NFASC: variants seen among roughly 807,000 people sequenced by gnomAD.
The protein encoded by NFASC is neurofascin.
In NFASC, 43 loss-of-function variants were observed where a neutral mutation model predicts 147.5. The observed-to-expected ratio is 0.29, with a 90% CI of 0.23 to 0.38. The LOEUF (loss-of-function observed/expected upper bound fraction) is 0.38, where lower values mean the gene tolerates loss of function less well. Ranked by LOEUF, NFASC falls within the 10% of genes least tolerant of loss-of-function variation. The pLI is 1.00. For synonymous variants in NFASC, 622 were observed against 665.5 expected, an observed-to-expected ratio of 0.93 and a Z score of 1.01; for missense variants, 1,320 against 1,689.0, an observed-to-expected ratio of 0.78 and a Z score of 3.83.
rs1010266180 is a variant in NFASC at position 205,016,993 on chromosome 1, G to T, written c.*454G>T. The T allele has an allele frequency of 3.5e-6, 1 of 289,736 alleles. No individual in the cohort carries two copies. 17.9% of individuals were successfully genotyped at this position (289,736 alleles called of 1,614,324 possible). On this transcript the variant is annotated 3_prime_UTR_variant, in exon 30 of 30. Transcript: ENST00000339876. This position sits in a 1 kb window ranked among gnomAD's most constrained non-coding sequence, Gnocchi z 5.1. ...GTCCCTGGAAAAGAAAGAATAAGTG[G>T]ATTCTCCCCCAGGAGAATCCTTTTT...
chr1:204,979,573 G>A lies in NFASC; in HGVS notation c.2176+14G>A, dbSNP rs967527657. The A allele has an allele frequency of 1.4e-5, 22 of 1,612,592 alleles. No homozygotes were observed. Among genetic ancestry groups the A allele is most frequent in the African/African-American group, 2.7e-5 (2 of 74,876 alleles). On this transcript the variant is annotated intron_variant, in intron 19 of 29. Transcript: ENST00000339876. The surrounding 1 kb of genome is among the most constrained non-coding windows in gnomAD (Gnocchi z 6.0). ...CCAGTGGAGCACGTGAGTACCCGAG[G>A]GCTGCCAGAGAAGGCTCCGGAACCC...
chr1:204,948,548 C>G (rs762249588), intron 3 of NFASC: 8 of 516,988 alleles, frequency 1.5e-5, no homozygotes, highest in Non-Finnish European at 2.7e-5. Context: ...CCAGCTGGCT[C>G]GCTCACCTCT....
At chr1:204,943,925 A>G (rs2093541556) in intron 2 of NFASC, among the ~76,000 whole-genome samples, 1 of 152,194 alleles carries the variant, frequency 6.6e-6, no homozygotes, top group South Asian at 2.1e-4. Flanking sequence ...CCTCCAGGGA[A>G]CAATTGCCAA....
At chr1:204,950,143 C>T in intron 3 of NFASC, among the ~76,000 whole-genome samples, 1 of 152,258 alleles carries the variant, frequency 6.6e-6, no homozygotes, top group East Asian at 1.9e-4. Flanking sequence ...CTGTCTTGCC[C>T]TCAGCCTCTC....
chr1:205,019,045 A>C lies in NFASC; in HGVS notation c.*2506A>C, dbSNP rs2096382530. ...CTGTGGGTGCTGAGAGCTGCCCCCC[A>C]TCACCACGCCATCACACCCCTCTGA... On this transcript the variant is annotated 3_prime_UTR_variant, in exon 30 of 30. Coordinates refer to ENST00000339876, the MANE Select transcript of NFASC (RefSeq NM_001005388.3). The C allele has an allele frequency of 6.6e-6, 1 of 152,292 alleles. No individual in the cohort carries two copies. The highest frequency in any genetic ancestry group is 2.1e-4 in the South Asian group (1 of 4,830). The allele number at this position is 152,292 out of a possible 1,614,324, so 9.4% of individuals were successfully genotyped here. A position where few individuals can be genotyped will look rare whatever the true frequency, so the allele number is the denominator to read the frequency against.
rs139099286 is a variant in NFASC at position 205,009,649 on chromosome 1, G to A, written c.3382G>A (p.Val1128Ile). 4.1e-4 allele frequency: 659 copies of A among 1,613,930 alleles called. No individual in the cohort carries two copies. Among genetic ancestry groups the A allele is most frequent in the Non-Finnish European group, 5.4e-4 (634 of 1,180,024 alleles). Residue 1128 changes from valine to isoleucine, a missense_variant, in exon 28 of 30, where the codon GTC becomes ATC. Around this residue, in one of 3 missense-constraint regions of NFASC, gnomAD observed 167 missense variants for 233.8 expected, o/e 0.71. Transcript: ENST00000339876. Reference protein sequence around the residue: ...IALLVLILLIVCFIKRSRGGK... With the variant: ...IALLVLILLIICFIKRSRGGK... ...CCTCCTGGTGCTGATCCTGCTCATC[G>A]TCTGTTTCATCAAGAGGAGTCGCGG...
At chr1:204,995,929 T>TAA (rs2095837720) in intron 24 of NFASC, among the ~76,000 whole-genome samples, 2 of 152,154 alleles carry the variant, frequency 1.3e-5, no homozygotes, top group Non-Finnish European at 2.9e-5. Flanking sequence ...GCCTGTGTTT[T>TAA]AAAGTCCCTG....
chr1:204,977,292 C>A, intron 16 of NFASC: 1 of 213,708 alleles, frequency 4.7e-6, no homozygotes. Flanking sequence ...CCAGGCTGGA[C>A]TGTAAATACT....
At chr1:204,882,855 T>A (rs2080541565) in intron 1 of NFASC, among the ~76,000 whole-genome samples, 1 of 152,136 alleles carries the variant, frequency 6.6e-6, no homozygotes, top group East Asian at 1.9e-4. Flanking sequence ...TTCATAAAAG[T>A]GGATTTTGGT....
At chr1:204,837,431 CAGACTGT>C (rs1460797489) in intron 1 of NFASC, among the ~76,000 whole-genome samples, 2 of 152,184 alleles carry the variant, frequency 1.3e-5, no homozygotes, top group Admixed American at 1.3e-4. Context: ...GGTCTGGGGC[CAGACTGT>C]AGCAAACCTT....
chr1:204,922,029 C>T lies in NFASC; in HGVS notation c.-91+1289C>T, dbSNP rs574742864. ...AGTGTGTGTTTTGGCAGGGGTGGCG[C>T]GGGCAGGGGGTGCATGCCATTCTTT... On this transcript the variant is annotated intron_variant, in intron 2 of 29. Coordinates refer to ENST00000339876, the MANE Select transcript of NFASC (RefSeq NM_001005388.3). 5.9e-5 allele frequency among the ~76,000 whole-genome samples: 9 copies of T among 152,152 alleles called. No homozygotes were observed. The South Asian group carries it at 1.0e-3, about 18-fold the overall frequency.
intron 2 of NFASC, among the ~76,000 whole-genome samples, chr1:204,922,279 A>G (rs939197784): frequency 6.6e-6 from 1 of 151,770 alleles, no homozygotes; most frequent in Non-Finnish European, 1.5e-5. Flanking sequence ...CCAGATCCCC[A>G]CCTAAGGAAC....
At chr1:205,011,221 TCAACA>T (rs1237669133) in intron 28 of NFASC, among the ~76,000 whole-genome samples, 5 of 114,756 alleles carry the variant, frequency 4.4e-5, no homozygotes, top group African/African-American at 1.4e-4. Context: ...CCCCCAAAAC[TCAACA>T]CAAAGGAAAT....
At chr1:204,976,408 C>T (rs1402923223) in intron 15 of NFASC, among the ~76,000 whole-genome samples, 1 of 152,204 alleles carries the variant, frequency 6.6e-6, no homozygotes, top group Non-Finnish European at 1.5e-5. Context: ...GGCAGGCACA[C>T]GTACAGAATT....
At chr1:204,900,218 C>G (rs1195335013) in intron 1 of NFASC, among the ~76,000 whole-genome samples, 1 of 152,166 alleles carries the variant, frequency 6.6e-6, no homozygotes, top group Admixed American at 6.5e-5. Flanking sequence ...GCAGTAGGAA[C>G]AGTTAATTCA....
intron 1 of NFASC, among the ~76,000 whole-genome samples, chr1:204,915,095 T>C (rs935097813): frequency 1.3e-5 from 2 of 151,998 alleles, no homozygotes; most frequent in African/African-American, 4.8e-5. Flanking sequence ...CTTGCTAACA[T>C]GGTGAAACCC....
chr1:205,009,946 A>C (rs1574484942), intron 28 of NFASC: 1 of 508,082 alleles, frequency 2.0e-6, no homozygotes, highest in East Asian at 3.3e-5. Context: ...GGCTCCTATT[A>C]AGAATGACCT....
At chr1:204,928,532 G>A (rs889345486) in intron 2 of NFASC, among the ~76,000 whole-genome samples, 2 of 152,200 alleles carry the variant, frequency 1.3e-5, no homozygotes, top group African/African-American at 4.8e-5. Context: ...TTGGGTCAAA[G>A]AGACAGCATG....
chr1:204,875,397 G>C (rs1450165951), intron 1 of NFASC, among the ~76,000 whole-genome samples: 3 of 152,154 alleles, frequency 2.0e-5, no homozygotes, highest in Non-Finnish European at 4.4e-5. Context: ...TACTGAGGCT[G>C]TCTGCCTCCC....
Sources: allele counts gnomAD v4.1 joint callset (sites outside exome capture counted in the v4.1 genomes callset), GRCh38; gene constraint gnomAD v4.1.1; regional missense constraint gnomAD v4.1.1; non-coding constraint Gnocchi (gnomAD v3.1); transcripts MANE v1.5; gene names NCBI Gene and HGNC (gene_info 2026-07-23, HGNC 2026-07-21).